KCNMA1: variants seen among roughly 807,000 people sequenced by gnomAD.
KCNMA1 encodes potassium calcium-activated channel subfamily M alpha 1.
Under a neutral mutation model 140.0 loss-of-function variants are expected in KCNMA1, and 29 were observed. That is an observed-to-expected ratio of 0.21 (90% CI 0.15 to 0.28). KCNMA1 has a LOEUF of 0.28. Ranked by LOEUF, KCNMA1 falls within the 10% of genes least tolerant of loss-of-function variation. The pLI, the probability that KCNMA1 is intolerant of heterozygous loss-of-function variation, is 1.00. For synonymous variants in KCNMA1, 612 were observed against 611.9 expected, an observed-to-expected ratio of 1.00 and a Z score of 0.00; for missense variants, 880 against 1,602.2, an observed-to-expected ratio of 0.55 and a Z score of 7.70.
intron 1 of KCNMA1, among the ~76,000 whole-genome samples, chr10:77,528,836 G>A (rs574731415): frequency 7.2e-5 from 11 of 152,122 alleles, no homozygotes; most frequent in Middle Eastern, 3.4e-3. Context: ...GGAAGAAGCC[G>A]GACACAAAAG....
chr10:77,539,643 C>T (rs950737115), intron 1 of KCNMA1, among the ~76,000 whole-genome samples: 5 of 152,176 alleles, frequency 3.3e-5, no homozygotes, highest in African/African-American at 7.2e-5. Flanking sequence ...TGAGGAGCCA[C>T]GGGTGAATTC....
At chr10:77,213,151 T>G (rs1052571111) in intron 3 of KCNMA1, among the ~76,000 whole-genome samples, 1 of 152,280 alleles carries the variant, frequency 6.6e-6, no homozygotes, top group South Asian at 2.1e-4. Context: ...AATCCTATTG[T>G]TATGACGTGT....
At chr10:76,914,757 A>G (rs2052011794) in intron 24 of KCNMA1, 179 bp downstream of exon 24, 1 of 576,268 alleles carries the variant, frequency 1.7e-6, no homozygotes, top group African/African-American at 1.9e-5. Flanking sequence ...AAGATAGATC[A>G]GTTTTCCCTT....
At chr10:76,882,510 C>A (rs938717580), downstream of KCNMA1, among the ~76,000 whole-genome samples, 3 of 152,142 alleles carry the variant, frequency 2.0e-5, no homozygotes, top group Non-Finnish European at 4.4e-5. Context: ...CACATACTAC[C>A]TCCTCTCCTC....
chr10:77,059,686 T>G (rs1322283012), intron 14 of KCNMA1, among the ~76,000 whole-genome samples: 1 of 151,986 alleles, frequency 6.6e-6, no homozygotes, highest in African/African-American at 2.4e-5. Context: ...CTCACCAAAA[T>G]AGAAATGGGA....
intron 1 of KCNMA1, among the ~76,000 whole-genome samples, chr10:77,427,468 T>A (rs571606935): frequency 1.3e-5 from 2 of 152,196 alleles, no homozygotes; most frequent in Non-Finnish European, 2.9e-5. Context: ...GATGTGGAGA[T>A]GACTTGGCAC....
intron 16 of KCNMA1, among the ~76,000 whole-genome samples, chr10:77,022,439 C>T (rs1427166986): frequency 3.3e-5 from 5 of 152,174 alleles, no homozygotes; most frequent in African/African-American, 1.2e-4. Flanking sequence ...CAACAGAAAA[C>T]ATCCAGTGAC....
intron 1 of KCNMA1, among the ~76,000 whole-genome samples, chr10:77,516,740 G>A (rs75637583): frequency 0.011 from 1,622 of 152,290 alleles, 28 homozygotes; most frequent in African/African-American, 0.037. Flanking sequence ...CTCCGGCTCC[G>A]GTGCTGCAAA....
At position 77,108,704 on chromosome 10, in the gene KCNMA1, T is replaced by C. The variant is rs2097252123; in HGVS notation, c.1132-132A>G. The C allele has an allele frequency of 9.9e-6, 7 of 708,024 alleles. No homozygotes were observed. The highest frequency in any genetic ancestry group is 2.3e-5 in the Admixed American group (1 of 44,004). 43.9% of individuals were successfully genotyped at this position (708,024 alleles called of 1,614,324 possible). A position where few individuals can be genotyped will look rare whatever the true frequency, so the allele number is the denominator to read the frequency against. ...GCCTGCAAAGGTATATATTGATATG[T>C]TGGATCATAAAAAACTAAAAGCACG... On this transcript the variant is annotated intron_variant, in intron 8 of 27. Coordinates refer to ENST00000286628, the MANE Select transcript of KCNMA1 (RefSeq NM_001161352.2). The surrounding 1 kb of genome is among the most constrained non-coding windows in gnomAD (Gnocchi z 4.6).
intron 1 of KCNMA1, among the ~76,000 whole-genome samples, chr10:77,505,719 A>T (rs149614996): frequency 1.3e-5 from 2 of 152,214 alleles, no homozygotes; most frequent in African/African-American, 4.8e-5. Flanking sequence ...AATGATGGAG[A>T]TCTTTGAGCA....
chr10:77,027,787 A>C (rs1361147873), intron 16 of KCNMA1, 36 bp downstream of exon 16: 2 of 1,577,314 alleles, frequency 1.3e-6, no homozygotes, highest in Non-Finnish European at 1.7e-6. Context: ...TCACCATCAA[A>C]AGTGTCAGCT....
chr10:77,162,003 C>A (rs188281416), intron 5 of KCNMA1, among the ~76,000 whole-genome samples: 143 of 152,290 alleles, frequency 9.4e-4, no homozygotes, highest in Non-Finnish European at 1.7e-3. Context: ...CAAATTACAT[C>A]CCCAAATCCT....
At chr10:77,462,633 C>T (rs1017400119) in intron 1 of KCNMA1, among the ~76,000 whole-genome samples, 1 of 152,198 alleles carries the variant, frequency 6.6e-6, no homozygotes, top group Non-Finnish European at 1.5e-5. Flanking sequence ...TGGGAGCTTT[C>T]CCTGGAAGAT....
chr10:77,198,324 G>A (rs146492475), intron 3 of KCNMA1, among the ~76,000 whole-genome samples: 3 of 152,136 alleles, frequency 2.0e-5, no homozygotes, highest in East Asian at 1.9e-4. Context: ...CCCAACAGTC[G>A]TGAAAGCTCG....
chr10:77,555,554 C>T (rs2064089903), intron 1 of KCNMA1, among the ~76,000 whole-genome samples: 1 of 152,204 alleles, frequency 6.6e-6, no homozygotes, highest in Non-Finnish European at 1.5e-5. Flanking sequence ...AGTTGTAAAA[C>T]TGTTTTACTA....
At chr10:77,336,403 C>G (rs569463224) in intron 2 of KCNMA1, among the ~76,000 whole-genome samples, 22 of 149,868 alleles carry the variant, frequency 1.5e-4, no homozygotes, top group Middle Eastern at 3.4e-3. Context: ...TGTGAAATTT[C>G]CAAGTAGTGA....
At position 77,251,233 on chromosome 10, in the gene KCNMA1, G is replaced by A. The variant is rs765953333; in HGVS notation, c.564C>T (p.Ser188=). 5 of 1,612,274 alleles carry A rather than the reference G, an allele frequency of 3.1e-6. No homozygotes were observed. The South Asian group carries it at 5.5e-5, about 18-fold the overall frequency. ...RVLVVLVFAL[S]IGALVIYFID... ...TGAAGTATATTACAAGTGCACCGAT[G>A]CTGAGAGCAAAGACTAAGACAACCT... The change falls in exon 3 of 28, where the codon AGC becomes AGT. Residue 188 remains serine, a synonymous_variant. Coordinates refer to ENST00000286628, the MANE Select transcript of KCNMA1 (RefSeq NM_001161352.2).
At chr10:76,910,329 G>A (rs2049637100) in intron 24 of KCNMA1, 1 of 502,546 alleles carries the variant, frequency 2.0e-6, no homozygotes, top group African/African-American at 1.9e-5. Context: ...AAGCAGGCTT[G>A]CTCCACGGCA....
At chr10:77,109,650 G>A (rs2097273531) in intron 8 of KCNMA1, among the ~76,000 whole-genome samples, 1 of 152,190 alleles carries the variant, frequency 6.6e-6, no homozygotes, top group African/African-American at 2.4e-5. Flanking sequence ...ACATGGGGAT[G>A]TCCGCCTGGA....
Sources: gnomAD v4.1 joint callset for allele counts (sites outside exome capture counted in the v4.1 genomes callset) on GRCh38, gnomAD v4.1.1 for gene constraint, Gnocchi (gnomAD v3.1) non-coding constraint, MANE v1.5 for transcripts, NCBI Gene and HGNC (gene_info 2026-07-23, HGNC 2026-07-21) for gene names.